BRI3BP: variants seen among roughly 807,000 people sequenced by gnomAD.
The protein encoded by BRI3BP is BRI3 binding protein.
A neutral mutation model predicts 15.8 loss-of-function variants in BRI3BP; 7 were observed. The ratio of observed to expected loss-of-function variants is 0.44; its 90% CI spans 0.25 to 0.83. BRI3BP has a LOEUF of 0.83. BRI3BP is among the 40% of genes least tolerant of loss of function. BRI3BP has a pLI of 0.20. For missense variants in BRI3BP, 320 were observed against 339.3 expected (o/e 0.94, Z 0.45); for synonymous variants, 192 against 163.5 (o/e 1.17, Z -1.33).
chr12:125,035,218 CTGGATTATATTGAGGG>C (rs1271572997), downstream of BRI3BP, among the ~76,000 whole-genome samples: 1 of 152,072 alleles, frequency 6.6e-6, no homozygotes, highest in Non-Finnish European at 1.5e-5. Context: ...ACCAGAATGG[CTGGATTATATTGAGGG>C]TATAGGTTTA....
intron 1 of BRI3BP, among the ~76,000 whole-genome samples, chr12:125,005,523 C>G (rs60163159): frequency 0.029 from 4,478 of 152,126 alleles, 219 homozygotes; most frequent in African/African-American, 0.1. Context: ...AATCCCAGCA[C>G]TTTGGGAGGC....
chr12:125,003,383 A>G (rs962309235), intron 1 of BRI3BP, among the ~76,000 whole-genome samples: 5 of 152,128 alleles, frequency 3.3e-5, no homozygotes, highest in African/African-American at 9.7e-5. Context: ...TGTTTGTCTG[A>G]GTCCTCAGGC....
chr12:124,994,090 C>T (rs1955019403), intron 1 of BRI3BP, 87 bp downstream of exon 1: 1 of 915,154 alleles, frequency 1.1e-6, no homozygotes, highest in African/African-American at 1.8e-5. Flanking sequence ...AGCGCGGCCT[C>T]CGGGGCTGCC....
chr12:125,045,506 G>A, the BRI3BP span, among the ~76,000 whole-genome samples: 2 of 152,104 alleles, frequency 1.3e-5, no homozygotes, highest in African/African-American at 4.8e-5. Context: ...GCTAATTTTT[G>A]TATTTTTAGT....
At position 124,994,105 on chromosome 12, in the gene BRI3BP, C is replaced by A. The variant is rs184436531; in HGVS notation, c.213+102C>A. On this transcript the variant is annotated intron_variant, in intron 1 of 2. Transcript: ENST00000341446. ...AGCGCGGCCTCCGGGGCTGCCCGCC[C>A]GGCCAGCGCGCGGGAAGAGGGGGTC... 5 of 812,760 alleles carry A rather than the reference C, an allele frequency of 6.2e-6. No homozygotes were observed. The East Asian group carries it at 2.1e-4, about 34-fold the overall frequency. The allele number at this position is 812,760 out of a possible 1,614,324, so 50.3% of individuals were successfully genotyped here.
chr12:125,047,795 C>CA, the BRI3BP span, among the ~76,000 whole-genome samples: 1 of 152,014 alleles, frequency 6.6e-6, no homozygotes, highest in African/African-American at 2.4e-5. Flanking sequence ...TTTCCAGGTT[C>CA]AAGTGATTCT....
At chr12:125,023,468 C>G (rs750578585) in intron 2 of BRI3BP, among the ~76,000 whole-genome samples, 1 of 152,222 alleles carries the variant, frequency 6.6e-6, no homozygotes, top group Non-Finnish European at 1.5e-5. Flanking sequence ...TGTGCCCAGC[C>G]TGAAGGTGGG....
chr12:125,009,675 A>G (rs10846804), intron 1 of BRI3BP, among the ~76,000 whole-genome samples: 19,155 of 151,372 alleles, frequency 0.13, 1,295 homozygotes, highest in Admixed American at 0.15. Flanking sequence ...GGGCTAAAGC[A>G]GTCCTCCCAC....
intron 1 of BRI3BP, 29 bp from the exon 2 acceptor site, chr12:125,012,504 TG>T (rs1363207970): frequency 9.2e-6 from 14 of 1,518,050 alleles, no homozygotes; most frequent in Non-Finnish European, 1.3e-5. Context: ...AAACAGTGAT[TG>T]GGTGATGACC....
the BRI3BP span, among the ~76,000 whole-genome samples, chr12:125,042,896 C>T: frequency 6.6e-6 from 1 of 152,038 alleles, no homozygotes; most frequent in Non-Finnish European, 1.5e-5. Flanking sequence ...GATGCTCCTG[C>T]CTTGGTCTCC....
chr12:125,023,705 CCTGT>C (rs1175256191), intron 2 of BRI3BP, among the ~76,000 whole-genome samples: 3 of 152,270 alleles, frequency 2.0e-5, no homozygotes, highest in African/African-American at 4.8e-5. Context: ...TGCTACCACA[CCTGT>C]CTAATTTTTT....
Position 125,025,044 on chromosome 12 carries a change from C to T in BRI3BP, c.370C>T (p.Arg124Cys), listed in dbSNP as rs1416002631. 6.8e-6 allele frequency: 11 copies of T among 1,613,352 alleles called. No individual in the cohort carries two copies. Among genetic ancestry groups the T allele is most frequent in the Admixed American group, 1.7e-5 (1 of 59,978 alleles). ...AGCCTCGGTGTCCAGCAGCCCGGCC[C>T]GCGCGCTCCTGCTGGTCGGCGTCGT... ...SPASVSSSPA[R>C]ALLLVGVVLL... Residue 124 changes from arginine to cysteine, a missense_variant, in exon 3 of 3, where the codon CGC becomes TGC. Arg to Cys is a radical substitution (Grantham distance 180, BLOSUM62 -3). Transcript: ENST00000341446.
intron 2 of BRI3BP, among the ~76,000 whole-genome samples, chr12:125,020,899 T>TA (rs1955293350): frequency 7.1e-6 from 1 of 141,158 alleles, no homozygotes; most frequent in Non-Finnish European, 1.5e-5. Context: ...AATAAATAAA[T>TA]AATAAAATTT....
chr12:125,022,541 A>ATTTATTTATTTTTTTTTTTTTTTTTTT, intron 2 of BRI3BP, among the ~76,000 whole-genome samples: 1 of 139,434 alleles, frequency 7.2e-6, no homozygotes, highest in African/African-American at 2.9e-5. Context: ...TTATTTATTT[A>ATTTATTTATTTTTTTTTTTTTTTTTTT]TTTTTTGAGA....
At chr12:125,033,714 C>A (rs1955422142), downstream of BRI3BP, among the ~76,000 whole-genome samples, 1 of 151,666 alleles carries the variant, frequency 6.6e-6, no homozygotes, top group Non-Finnish European at 1.5e-5. Flanking sequence ...CTAACCAAGG[C>A]CCCCTGTACT....
At chr12:125,002,689 C>T (rs1019593806) in intron 1 of BRI3BP, among the ~76,000 whole-genome samples, 2 of 152,128 alleles carry the variant, frequency 1.3e-5, no homozygotes, top group Non-Finnish European at 2.9e-5. Flanking sequence ...ATCTCCTGAC[C>T]TCGTGATCCA....
At chr12:125,024,268 CT>C (rs1447271621) in intron 2 of BRI3BP, among the ~76,000 whole-genome samples, 30 of 139,774 alleles carry the variant, frequency 2.1e-4, no homozygotes, top group Admixed American at 3.6e-4. Flanking sequence ...ACCCCCCCCC[CT>C]CCACTGTCAC....
In BRI3BP at chr12:124,998,779, G is replaced by A. The variant is rs1415738050; in HGVS notation, c.213+4776G>A. Among the ~76,000 whole-genome samples, 5 of 152,178 alleles carry A rather than the reference G, an allele frequency of 3.3e-5. No homozygotes were observed. The East Asian group carries it at 9.6e-4, about 29-fold the overall frequency. ...CCAACTTTATGTGTATATGACTACA[G>A]TTTTTTAAAAAAATTGGCCTGGTGC... On this transcript the variant is annotated intron_variant, in intron 1 of 2. Coordinates refer to ENST00000341446, the MANE Select transcript of BRI3BP (RefSeq NM_080626.6).
At chr12:125,007,722 A>G (rs916289992) in intron 1 of BRI3BP, among the ~76,000 whole-genome samples, 3 of 147,086 alleles carry the variant, frequency 2.0e-5, no homozygotes, top group African/African-American at 4.9e-5. Context: ...CCTGTCTCCA[A>G]AAAAAAAAAA....
Sources: gnomAD v4.1 joint callset for allele counts (sites outside exome capture counted in the v4.1 genomes callset) on GRCh38, gnomAD v4.1.1 for gene constraint, MANE v1.5 for transcripts, NCBI Gene and HGNC (gene_info 2026-07-23, HGNC 2026-07-21) for gene names.